Variants in APBB1IP observed in about 807,000 individuals in gnomAD.
APBB1IP encodes the protein amyloid beta A4 precursor protein-binding family B member 1-interacting protein.
In APBB1IP, 27 loss-of-function variants were observed where a neutral mutation model predicts 64.9. The ratio of observed to expected loss-of-function variants is 0.42; its 90% CI spans 0.31 to 0.57. The LOEUF (loss-of-function observed/expected upper bound fraction) is 0.57, where lower values mean the gene tolerates loss of function less well. Ranked by LOEUF, APBB1IP falls within the 20% of genes least tolerant of loss-of-function variation. The pLI, the probability that APBB1IP is intolerant of heterozygous loss-of-function variation, is 0.20. For synonymous variants in APBB1IP, 392 were observed against 331.0 expected, an observed-to-expected ratio of 1.18 and a Z score of -2.00; for missense variants, 812 against 845.5, an observed-to-expected ratio of 0.96 and a Z score of 0.49.
rs558764615 is a variant in APBB1IP, at chr10:26,551,664, C to T, written c.1156-8441C>T. Among the ~76,000 whole-genome samples the T allele has an allele frequency of 1.3e-3, 195 of 152,316 alleles. 1 individual carries two copies. The highest frequency in any genetic ancestry group is 2.4e-3 in the Non-Finnish European group (166 of 68,030). ...AAGGAGCGCTGGAATTCCGCCCCGTCGCTCACCTGCTTCCTACCCCTTACT... is the reference window on the plus strand; with the variant it reads ...AAGGAGCGCTGGAATTCCGCCCCGTTGCTCACCTGCTTCCTACCCCTTACT... On this transcript the variant is annotated intron_variant, in intron 11 of 14. Coordinates refer to ENST00000376236, the MANE Select transcript of APBB1IP (RefSeq NM_019043.4).
At chr10:26,508,611 A>G (rs1753360) in intron 6 of APBB1IP, among the ~76,000 whole-genome samples, 19 of 149,764 alleles carry the variant, frequency 1.3e-4, no homozygotes, top group African/African-American at 4.6e-4. Context: ...GATTTAGCTT[A>G]CTAAATCACA....
In APBB1IP at chr10:26,496,283, TG is replaced by T. The variant is rs781120621; in HGVS notation, c.73-15del. The T allele has an allele frequency of 5.1e-6, 8 of 1,570,866 alleles. No homozygotes were observed. The highest frequency in any genetic ancestry group is 7.0e-6 in the Non-Finnish European group (8 of 1,143,296). Reference sequence around the variant, plus strand: ...ATGTTTGTATCATGAATAACTTTGATGGGGGGATCTTTTTTCACAGAGTTTA... The same window carrying T: ...ATGTTTGTATCATGAATAACTTTGATGGGGGATCTTTTTTCACAGAGTTTA... On this transcript the variant is annotated intron_variant, in intron 3 of 14. Coordinates refer to ENST00000376236, the MANE Select transcript of APBB1IP (RefSeq NM_019043.4).
intron 2 of APBB1IP, among the ~76,000 whole-genome samples, chr10:26,442,071 A>G (rs1367987980): frequency 6.6e-6 from 1 of 152,164 alleles, no homozygotes; most frequent in African/African-American, 2.4e-5. Context: ...CAATGAGTTT[A>G]TAGTCTAGAA....
chr10:26,530,222 C>CT (rs1836531546), intron 8 of APBB1IP, among the ~76,000 whole-genome samples: 1 of 65,098 alleles, frequency 1.5e-5, no homozygotes, highest in African/African-American at 5.5e-5. Flanking sequence ...GCTTTTTTTT[C>CT]TTTTTCTTTT....
At chr10:26,501,468 A>G in intron 5 of APBB1IP, 1 of 414,704 alleles carries the variant, frequency 2.4e-6, no homozygotes, top group South Asian at 5.0e-5. Flanking sequence ...AGCTCAGTAC[A>G]TAGAGAATAG....
At chr10:26,550,937 C>T (rs1836822984) in intron 11 of APBB1IP, among the ~76,000 whole-genome samples, 1 of 152,122 alleles carries the variant, frequency 6.6e-6, no homozygotes, top group African/African-American at 2.4e-5. Context: ...ACTAGAGGGC[C>T]TCCTAAGTCC....
At chr10:26,492,480 CTT>C (rs1435405161) in intron 3 of APBB1IP, 82 bp downstream of exon 3, 10 of 1,326,618 alleles carry the variant, frequency 7.5e-6, no homozygotes, top group South Asian at 1.2e-5. Flanking sequence ...AGGGAGCTGT[CTT>C]TTTTAAAACC....
chr10:26,519,025 G>T (rs981685176), intron 8 of APBB1IP, among the ~76,000 whole-genome samples: 4 of 151,778 alleles, frequency 2.6e-5, no homozygotes, highest in African/African-American at 9.7e-5. Context: ...AAGAAAAGAG[G>T]TTTATTTGGG....
intron 2 of APBB1IP, among the ~76,000 whole-genome samples, chr10:26,478,379 G>A (rs1835799469): frequency 6.6e-6 from 1 of 152,146 alleles, no homozygotes; most frequent in African/African-American, 2.4e-5. Context: ...GTAGCTGAAT[G>A]TGTGAATTAG....
At chr10:26,462,064 G>C (rs1382931884) in intron 2 of APBB1IP, among the ~76,000 whole-genome samples, 1 of 152,174 alleles carries the variant, frequency 6.6e-6, no homozygotes, top group Non-Finnish European at 1.5e-5. Flanking sequence ...TGCTTCTGTA[G>C]ATAATGTTTT....
At chr10:26,561,020 T>C (rs1836961626) in intron 13 of APBB1IP, among the ~76,000 whole-genome samples, 176 bp downstream of exon 13, 1 of 150,682 alleles carries the variant, frequency 6.6e-6, no homozygotes, top group African/African-American at 2.4e-5. Flanking sequence ...CACACCCCTA[T>C]AACATCTGTT....
intron 8 of APBB1IP, among the ~76,000 whole-genome samples, chr10:26,515,357 C>T (rs1050579657): frequency 2.6e-5 from 4 of 152,150 alleles, no homozygotes; most frequent in African/African-American, 9.7e-5. Context: ...ATGTGGTTTC[C>T]ATCTTTGGTT....
At chr10:26,468,107 A>G (rs968839730) in intron 2 of APBB1IP, among the ~76,000 whole-genome samples, 1 of 152,192 alleles carries the variant, frequency 6.6e-6, no homozygotes, top group Non-Finnish European at 1.5e-5. Context: ...CCCAACATCC[A>G]CAGTAAATGA....
chr10:26,551,692 G>C (rs1239879457), intron 11 of APBB1IP, among the ~76,000 whole-genome samples: 1 of 152,080 alleles, frequency 6.6e-6, no homozygotes, highest in Non-Finnish European at 1.5e-5. Flanking sequence ...CCCTTACTCA[G>C]CTATATTTTT....
At chr10:26,510,581 C>A (rs1588594908) in intron 6 of APBB1IP, among the ~76,000 whole-genome samples, 1 of 151,868 alleles carries the variant, frequency 6.6e-6, no homozygotes, top group Non-Finnish European at 1.5e-5. Context: ...AAAAAATGAA[C>A]AAAAATTAGC....
intron 8 of APBB1IP, among the ~76,000 whole-genome samples, chr10:26,524,413 A>C (rs1302423325): frequency 2.0e-5 from 3 of 150,280 alleles, no homozygotes; most frequent in Non-Finnish European, 4.4e-5. Flanking sequence ...TGAAAAAAAA[A>C]CAACAACAAA....
chr10:26,442,801 C>G (rs1250831826), intron 2 of APBB1IP, among the ~76,000 whole-genome samples: 1 of 152,174 alleles, frequency 6.6e-6, no homozygotes, highest in Non-Finnish European at 1.5e-5. Context: ...AACATTTCCC[C>G]ATTTCCCAGC....
At chr10:26,508,745 ATG>A (rs144589469) in intron 6 of APBB1IP, among the ~76,000 whole-genome samples, 81 of 151,820 alleles carry the variant, frequency 5.3e-4, no homozygotes, top group African/African-American at 1.7e-3. Flanking sequence ...TCTTGGTTAT[ATG>A]TGTGTGTGTG....
At chr10:26,535,363 T>A (rs1327245957) in intron 9 of APBB1IP, among the ~76,000 whole-genome samples, 1 of 152,154 alleles carries the variant, frequency 6.6e-6, no homozygotes, top group African/African-American at 2.4e-5. Flanking sequence ...ATAGGGTACA[T>A]GATATATTTT....
Sources: allele counts gnomAD v4.1 joint callset (sites outside exome capture counted in the v4.1 genomes callset), GRCh38; gene constraint gnomAD v4.1.1; transcripts MANE v1.5; gene names NCBI Gene and HGNC (gene_info 2026-07-23, HGNC 2026-07-21).